PCDH7: variants seen among roughly 807,000 people sequenced by gnomAD.
PCDH7 encodes protocadherin-7.
A neutral mutation model predicts 58.9 loss-of-function variants in PCDH7; 17 were observed. That is an observed-to-expected ratio of 0.29 (90% CI 0.20 to 0.43). The LOEUF (loss-of-function observed/expected upper bound fraction) is 0.43. PCDH7 is among the 20% of genes least tolerant of loss of function. PCDH7 has a pLI of 1.00. For missense variants in PCDH7, 1,274 were observed against 1,441.0 expected, an observed-to-expected ratio of 0.88 and a Z score of 1.88; for synonymous variants, 664 against 616.4, an observed-to-expected ratio of 1.08 and a Z score of -1.14.
intron 2 of PCDH7, among the ~76,000 whole-genome samples, chr4:30,939,807 G>A (rs918892956): frequency 1.3e-5 from 2 of 151,990 alleles, no homozygotes; most frequent in African/African-American, 4.8e-5. Flanking sequence ...AATCATGCAT[G>A]GCCTGGCTTT....
At chr4:30,743,461 G>C (rs1257529422) in intron 1 of PCDH7, among the ~76,000 whole-genome samples, 1 of 151,664 alleles carries the variant, frequency 6.6e-6, no homozygotes, top group Non-Finnish European at 1.5e-5. Context: ...CTGGTTTCTT[G>C]CTGGGCCTTT....
exon 2 of PCDH7, chr4:30,731,069 C>G: frequency 8.8e-7 from 1 of 1,140,348 alleles, no homozygotes; most frequent in Non-Finnish European, 1.1e-6. Flanking sequence ...ACCTATTAGA[C>G]GTAACAGTGA....
chr4:30,749,228 C>T (rs1718174827), intron 1 of PCDH7, among the ~76,000 whole-genome samples: 1 of 152,212 alleles, frequency 6.6e-6, no homozygotes, highest in Non-Finnish European at 1.5e-5. Flanking sequence ...CCACTCTCAT[C>T]AATTAATGCC....
At chr4:30,959,903 T>A (rs551402932) in intron 3 of PCDH7, among the ~76,000 whole-genome samples, 1 of 152,146 alleles carries the variant, frequency 6.6e-6, no homozygotes, top group South Asian at 2.1e-4. Context: ...ATATACTTAA[T>A]CAATGAGTAA....
At chr4:31,076,541 G>T (rs958311887) in intron 3 of PCDH7, among the ~76,000 whole-genome samples, 1 of 152,080 alleles carries the variant, frequency 6.6e-6, no homozygotes, top group Non-Finnish European at 1.5e-5. Flanking sequence ...CTAATTTGGT[G>T]TATATATCTT....
chr4:31,135,683 T>C (rs1483418999), intron 3 of PCDH7, among the ~76,000 whole-genome samples: 1 of 152,224 alleles, frequency 6.6e-6, no homozygotes, highest in Non-Finnish European at 1.5e-5. Flanking sequence ...GTGTCATATA[T>C]TATTTTAAAA....
chr4:30,946,329 T>C (rs1347878376), intron 2 of PCDH7, among the ~76,000 whole-genome samples: 1 of 152,134 alleles, frequency 6.6e-6, no homozygotes, highest in East Asian at 1.9e-4. Context: ...CCCTGTAATA[T>C]ATTAACATAT....
chr4:30,795,370 A>G (rs1359559406), intron 1 of PCDH7, among the ~76,000 whole-genome samples: 4 of 151,724 alleles, frequency 2.6e-5, no homozygotes, highest in Non-Finnish European at 5.9e-5. Context: ...TGACATACAC[A>G]ATATAATATA....
chr4:30,804,352 A>C (rs1307575598), intron 1 of PCDH7, among the ~76,000 whole-genome samples: 1 of 152,102 alleles, frequency 6.6e-6, no homozygotes, highest in Admixed American at 6.6e-5. Flanking sequence ...CAGCCTGGTC[A>C]ATATGGTGAA....
chr4:31,102,915 C>G (rs1715085566), intron 3 of PCDH7, among the ~76,000 whole-genome samples: 1 of 152,100 alleles, frequency 6.6e-6, no homozygotes, highest in South Asian at 2.1e-4. Context: ...AACTTTTGTT[C>G]ATTATGTGTC....
chr4:30,764,713 G>A (rs1720476343), intron 1 of PCDH7, among the ~76,000 whole-genome samples: 1 of 57,962 alleles, frequency 1.7e-5, no homozygotes, highest in African/African-American at 1.2e-4. Context: ...TTTGGTGTTT[G>A]TTTGTTTGTT....
chr4:31,094,761 T>C (rs185440904), intron 3 of PCDH7, among the ~76,000 whole-genome samples: 14 of 152,272 alleles, frequency 9.2e-5, no homozygotes, highest in Admixed American at 2.6e-4. Context: ...TCTGCTCTTC[T>C]GATACATTTC....
intron 3 of PCDH7, among the ~76,000 whole-genome samples, chr4:31,025,546 A>G (rs11937701): frequency 0.093 from 14,235 of 152,254 alleles, 1,746 homozygotes; most frequent in African/African-American, 0.28. Context: ...GTTTTGAAGT[A>G]GATGATTTAT....
intron 3 of PCDH7, among the ~76,000 whole-genome samples, chr4:31,000,664 C>A (rs1293589932): frequency 6.6e-6 from 1 of 151,950 alleles, no homozygotes. Flanking sequence ...CCCTCTATTC[C>A]TCAATTCTCC....
At chr4:31,057,291 A>T (rs1215361258) in intron 3 of PCDH7, among the ~76,000 whole-genome samples, 1 of 152,154 alleles carries the variant, frequency 6.6e-6, no homozygotes, top group Non-Finnish European at 1.5e-5. Flanking sequence ...TTTCTTCAAA[A>T]TAAAGTCATC....
intron 3 of PCDH7, among the ~76,000 whole-genome samples, chr4:31,087,504 T>C (rs1712609342): frequency 6.6e-6 from 1 of 152,106 alleles, no homozygotes; most frequent in African/African-American, 2.4e-5. Context: ...ACCTGCATCT[T>C]TTTTAGGGAA....
At chr4:30,957,698 A>T (rs1200429223) in intron 3 of PCDH7, among the ~76,000 whole-genome samples, 6 of 152,146 alleles carry the variant, frequency 3.9e-5, no homozygotes, top group African/African-American at 9.6e-5. Context: ...TCTCAAAAGG[A>T]CACTGCATAT....
intron 3 of PCDH7, among the ~76,000 whole-genome samples, chr4:31,107,735 TTATAATC>T (rs1282638038): frequency 2.0e-5 from 3 of 152,248 alleles, no homozygotes; most frequent in African/African-American, 7.2e-5. Context: ...TAAAAGTAGT[TTATAATC>T]TAGTGGGAAA....
intron 3 of PCDH7, among the ~76,000 whole-genome samples, chr4:31,008,347 A>G (rs11935770): frequency 0.11 from 17,017 of 152,176 alleles, 2,462 homozygotes; most frequent in African/African-American, 0.33. Flanking sequence ...TTAACTTAAG[A>G]ATGATATGAT....
Sources: gnomAD v4.1 joint callset for allele counts (sites outside exome capture counted in the v4.1 genomes callset) on GRCh38, gnomAD v4.1.1 for gene constraint, MANE v1.5 for transcripts, NCBI Gene and HGNC (gene_info 2026-07-23, HGNC 2026-07-21) for gene names.